The following TMC5 variants were observed in gnomAD, a reference collection of about 807,000 sequenced individuals.
The protein encoded by TMC5 is transmembrane channel like 5.
A neutral mutation model predicts 110.5 loss-of-function variants in TMC5; 86 were observed. The ratio of observed to expected loss-of-function variants is 0.78; its 90% CI spans 0.65 to 0.93. TMC5 has a LOEUF of 0.93. Ranked by LOEUF, TMC5 falls within the 40% of genes least tolerant of loss-of-function variation. The probability of loss-of-function intolerance (pLI) is 0.00; values close to 1 mark genes in which losing one functional copy is unlikely to be tolerated. For synonymous variants in TMC5, 455 were observed against 439.5 expected (o/e 1.04, Z -0.44); for missense variants, 1,144 against 1,222.8 (o/e 0.94, Z 0.96).
At chr16:19,480,116 G>T (rs1178974168) in intron 14 of TMC5, among the ~76,000 whole-genome samples, 1 of 152,106 alleles carries the variant, frequency 6.6e-6, no homozygotes, top group African/African-American at 2.4e-5. Context: ...AAGCAAAAAT[G>T]GAGTCACACT....
At chr16:19,421,727 TACCCAGC>T (rs1404666275) in intron 1 of TMC5, among the ~76,000 whole-genome samples, 1 of 152,194 alleles carries the variant, frequency 6.6e-6, no homozygotes, top group Admixed American at 6.5e-5. Context: ...ATGTCATACT[TACCCAGC>T]ATGGGAGAAA....
chr16:19,418,644 C>T (rs1313464360), intron 1 of TMC5, among the ~76,000 whole-genome samples: 1 of 151,508 alleles, frequency 6.6e-6, no homozygotes, highest in Non-Finnish European at 1.5e-5. Flanking sequence ...GTTCAAGAAA[C>T]AATAACTTCT....
chr16:19,472,990 A>C (rs928255070), intron 11 of TMC5, among the ~76,000 whole-genome samples: 1 of 152,140 alleles, frequency 6.6e-6, no homozygotes, highest in African/African-American at 2.4e-5. Flanking sequence ...CTCCACTCCC[A>C]GCCAAATGCC....
intron 2 of TMC5, among the ~76,000 whole-genome samples, chr16:19,431,091 T>C (rs1404504145): frequency 6.6e-6 from 1 of 152,208 alleles, no homozygotes; most frequent in Non-Finnish European, 1.5e-5. Flanking sequence ...AGTTAAAAAC[T>C]TCTGTAGAAT....
chr16:19,489,218 C>T (rs528749782), intron 17 of TMC5, among the ~76,000 whole-genome samples: 14 of 152,236 alleles, frequency 9.2e-5, no homozygotes, highest in Non-Finnish European at 1.5e-4. Context: ...GCCACCCAGG[C>T]AGGAATGCAG....
intron 6 of TMC5, among the ~76,000 whole-genome samples, chr16:19,461,584 ATAAAC>A (rs1968024302): frequency 6.6e-6 from 1 of 152,304 alleles, no homozygotes; most frequent in East Asian, 1.9e-4. Context: ...GGAAAAAAAA[ATAAAC>A]TAAAATAAAA....
chr16:19,489,945 T>C (rs916174553), intron 17 of TMC5, among the ~76,000 whole-genome samples: 9 of 152,016 alleles, frequency 5.9e-5, no homozygotes, highest in African/African-American at 1.7e-4. Context: ...TGTGCTGCCA[T>C]GCCCAGCTAA....
chr16:19,412,908 A>G (rs139496905), upstream of TMC5, among the ~76,000 whole-genome samples: 368 of 152,276 alleles, frequency 2.4e-3, no homozygotes, highest in Non-Finnish European at 4.5e-3. Flanking sequence ...GCAGTGGCAC[A>G]ATTGTAGCTC....
At chr16:19,470,799 C>T (rs1045081866) in intron 10 of TMC5, among the ~76,000 whole-genome samples, 8 of 144,550 alleles carry the variant, frequency 5.5e-5, no homozygotes, top group East Asian at 4.0e-4. Context: ...TTTGGGAGGA[C>T]GAGGCAGGCA....
rs184858022 is a variant in TMC5 at position 19,465,343 on chromosome 16, G to A, written c.1486-739G>A. ...GAAGTCAGAAGTTGGAGACCAGCCT[G>A]GCCAACATGGCAAAACCCCATCTCT... On this transcript the variant is annotated intron_variant, in intron 8 of 21. Coordinates refer to ENST00000542583, the MANE Select transcript of TMC5 (RefSeq NM_001261841.2). Among the ~76,000 whole-genome samples the A allele has an allele frequency of 2.7e-3, 411 of 152,116 alleles. 1 individual carries two copies. The highest frequency in any genetic ancestry group is 2.3e-3 in the Non-Finnish European group (158 of 68,010).
At chr16:19,424,769 T>A (rs1967057030) in intron 1 of TMC5, among the ~76,000 whole-genome samples, 1 of 152,206 alleles carries the variant, frequency 6.6e-6, no homozygotes, top group Non-Finnish European at 1.5e-5. Flanking sequence ...GGTGTGTCAC[T>A]CTCTAAGAAT....
At chr16:19,419,127 T>A (rs1414913789) in intron 1 of TMC5, among the ~76,000 whole-genome samples, 1 of 152,198 alleles carries the variant, frequency 6.6e-6, no homozygotes, top group Non-Finnish European at 1.5e-5. Flanking sequence ...CTGTGTGACC[T>A]TGAGTGAGTT....
At position 19,431,258 on chromosome 16, in the gene TMC5, G is replaced by A. The variant is rs773556325; in HGVS notation, c.-80+618G>A. On this transcript the variant is annotated intron_variant, in intron 2 of 21. Transcript: ENST00000542583. ...CACCCCGTTAGAAGATAAAACGTGG[G>A]GGCCGGGCGCGGTGGCTCACACCTG... is the stretch of plus-strand genomic sequence containing the variant. Among the ~76,000 whole-genome samples, 159 of 152,158 alleles carry A rather than the reference G, an allele frequency of 1.0e-3. 1 individual carries two copies. Among genetic ancestry groups the A allele is most frequent in the Non-Finnish European group, 1.8e-3 (125 of 67,992 alleles).
chr16:19,483,393 G>A (rs1968663413), intron 15 of TMC5, among the ~76,000 whole-genome samples: 1 of 152,204 alleles, frequency 6.6e-6, no homozygotes, highest in Admixed American at 6.5e-5. Flanking sequence ...ATTTGGAACT[G>A]GATAAACTGA....
chr16:19,444,153 G>A lies in TMC5; in HGVS notation c.861G>A (p.Trp287Ter), dbSNP rs1378087375. The change falls in exon 4 of 22, where the codon TGG becomes TGA. Residue 287 changes from tryptophan (W) to a stop codon, truncating the protein, a stop_gained. Transcript: ENST00000542583. LOFTEE classifies it high-confidence loss of function. ...GTGATGACCCCGTGGGCAGTCTTTGGGGAGAGAATGATTACCCTGAAGGCA... is the reference window on the plus strand; with the variant it reads ...GTGATGACCCCGTGGGCAGTCTTTGAGGAGAGAATGATTACCCTGAAGGCA... ...HRSDDPVGSL[W>*]GENDYPEGIE... 1 of 1,613,962 alleles carries A rather than the reference G, an allele frequency of 6.2e-7. No homozygotes were observed. The highest frequency in any genetic ancestry group is 1.7e-5 in the Admixed American group (1 of 59,974).
chr16:19,426,601 C>T (rs887850708), intron 1 of TMC5, among the ~76,000 whole-genome samples: 1 of 152,154 alleles, frequency 6.6e-6, no homozygotes, highest in Non-Finnish European at 1.5e-5. Flanking sequence ...GTCCCAGAGA[C>T]GGGCGTCCTC....
intron 1 of TMC5, among the ~76,000 whole-genome samples, chr16:19,424,369 T>C (rs1426432383): frequency 2.0e-5 from 3 of 152,180 alleles, no homozygotes; most frequent in East Asian, 1.9e-4. Context: ...GAATATGATA[T>C]GCTGGGAGTG....
chr16:19,462,329 C>CA, intron 6 of TMC5, among the ~76,000 whole-genome samples: 1 of 152,298 alleles, frequency 6.6e-6, no homozygotes, highest in African/African-American at 2.4e-5. Flanking sequence ...ACCCCCTCTC[C>CA]ACTCCTTAGT....
intron 14 of TMC5, among the ~76,000 whole-genome samples, chr16:19,480,026 T>C (rs1968579815): frequency 1.3e-5 from 2 of 152,148 alleles, no homozygotes; most frequent in African/African-American, 4.8e-5. Context: ...TTCAATATTC[T>C]AGTATATATT....
Sources: gnomAD v4.1 joint callset for allele counts (sites outside exome capture counted in the v4.1 genomes callset) on GRCh38, gnomAD v4.1.1 for gene constraint, MANE v1.5 for transcripts, NCBI Gene and HGNC (gene_info 2026-07-23, HGNC 2026-07-21) for gene names.